LGR6: variants seen among roughly 807,000 people sequenced by gnomAD.
LGR6 encodes leucine rich repeat containing G protein-coupled receptor 6.
A neutral mutation model predicts 69.4 loss-of-function variants in LGR6; 45 were observed. The observed-to-expected ratio is 0.65, with a 90% CI of 0.51 to 0.83. LGR6 has a LOEUF of 0.83. Ranked by LOEUF, LGR6 falls within the 40% of genes least tolerant of loss-of-function variation. LGR6 has a pLI of 0.00. For missense variants in LGR6, 1,108 were observed against 1,246.7 expected (o/e 0.89, Z 1.68); for synonymous variants, 538 against 555.0 (o/e 0.97, Z 0.43).
rs1558032385 is a variant in LGR6, at chr1:202,245,868, G to A, written c.428+9875G>A. Reference sequence around the variant, plus strand: ...GCCTGAGTTCTGGGTCTGTCAGGAGGGAAGAGGAGACCGAACTATTGGTGT... The same window carrying A: ...GCCTGAGTTCTGGGTCTGTCAGGAGAGAAGAGGAGACCGAACTATTGGTGT... On this transcript the variant is annotated intron_variant, in intron 4 of 17. Coordinates refer to ENST00000367278, the MANE Select transcript of LGR6 (RefSeq NM_001017403.2). Among the ~76,000 whole-genome samples, 12 of 152,182 alleles carry A rather than the reference G, an allele frequency of 7.9e-5. No homozygotes were observed. The South Asian group carries it at 2.3e-3, about 29-fold the overall frequency.
At chr1:202,250,862 A>C (rs574589343) in intron 4 of LGR6, among the ~76,000 whole-genome samples, 6 of 152,322 alleles carry the variant, frequency 3.9e-5, no homozygotes, top group African/African-American at 1.4e-4. Context: ...ACAATCTGTA[A>C]GATCTGGAGC....
chr1:202,208,931 G>A (rs1257306964), intron 1 of LGR6, among the ~76,000 whole-genome samples: 23 of 152,126 alleles, frequency 1.5e-4, no homozygotes, highest in Admixed American at 1.4e-3. Context: ...GTAGTAAGAG[G>A]GGAAGGCTTG....
chr1:202,253,795 A>ATT (rs71141469), intron 4 of LGR6, among the ~76,000 whole-genome samples: 18 of 47,988 alleles, frequency 3.8e-4, no homozygotes, highest in Admixed American at 3.7e-4. Flanking sequence ...CGCCTGGCTA[A>ATT]TTTTTTTTTT....
intron 1 of LGR6, among the ~76,000 whole-genome samples, chr1:202,198,392 G>C (rs1658715746): frequency 6.6e-6 from 1 of 152,254 alleles, no homozygotes; most frequent in Non-Finnish European, 1.5e-5. Flanking sequence ...GATTCACTTA[G>C]ATGATGTTTG....
At chr1:202,303,427 G>A in intron 10 of LGR6, 80 bp downstream of exon 10, 1 of 1,116,452 alleles carries the variant, frequency 9.0e-7, no homozygotes, top group South Asian at 1.2e-5. Flanking sequence ...GCCCCTGGAA[G>A]GCTGTCTAGG....
intron 4 of LGR6, among the ~76,000 whole-genome samples, chr1:202,270,850 A>G (rs1232737548): frequency 6.6e-6 from 1 of 152,002 alleles, no homozygotes; most frequent in Non-Finnish European, 1.5e-5. Context: ...TTCACACCAC[A>G]TGCCCCTTGG....
intron 8 of LGR6, 98 bp downstream of exon 8, chr1:202,301,018 G>C (rs1453479883): frequency 7.6e-7 from 1 of 1,322,424 alleles, no homozygotes; most frequent in African/African-American, 1.4e-5. Flanking sequence ...GGAAGCACCA[G>C]GGAGGCAGAA....
chr1:202,205,267 A>AAG (rs1659115431), intron 1 of LGR6, among the ~76,000 whole-genome samples: 1 of 3,978 alleles, frequency 2.5e-4, no homozygotes, highest in Admixed American at 3.3e-3. Flanking sequence ...CACACCTCCA[A>AAG]ACACACACAC....
At position 202,318,362 on chromosome 1, in the gene LGR6, C is replaced by A; in HGVS notation, c.2059C>A (p.Arg687=). The stretch of plus-strand genomic sequence containing the variant: ...GAAGTCCCCCTCCCTGGGCAGCGTT[C>A]GAGCAGGGGTCCTAGGCTGCCTGGC... ...YGKSPSLGSV[R]AGVLGCLALA... The change falls in exon 18 of 18, where the codon CGA becomes AGA. Residue 687 remains arginine, a synonymous_variant. Transcript: ENST00000367278. 1 of 1,600,440 alleles carries A rather than the reference C, an allele frequency of 6.2e-7. No homozygotes were observed. The highest frequency in any genetic ancestry group is 8.5e-7 in the Non-Finnish European group (1 of 1,173,176).
intron 1 of LGR6, among the ~76,000 whole-genome samples, chr1:202,209,313 G>T (rs1013087835): frequency 2.0e-5 from 3 of 152,198 alleles, no homozygotes; most frequent in Non-Finnish European, 4.4e-5. Context: ...CAGGGATCCT[G>T]GAGGGGCTGC....
At position 202,240,131 on chromosome 1, in the gene LGR6, G is replaced by C. The variant is rs188932133; in HGVS notation, c.428+4138G>C. 4.1e-4 allele frequency among the ~76,000 whole-genome samples: 62 copies of C among 152,254 alleles called. 1 individual carries two copies. The East Asian group carries it at 0.012, about 29-fold the overall frequency. ...CTCACGCCTGTAATCCCAGCCCTTT[G>C]GGAGGCTGAGGCAGGTGGATCACCT... On this transcript the variant is annotated intron_variant, in intron 4 of 17. Coordinates refer to ENST00000367278, the MANE Select transcript of LGR6 (RefSeq NM_001017403.2).
At chr1:202,214,076 G>C (rs1659586551) in intron 1 of LGR6, 1 of 1,370,976 alleles carries the variant, frequency 7.3e-7, no homozygotes, top group Non-Finnish European at 9.4e-7. Context: ...CGAGAGAAGC[G>C]GCAGAACGAG....
At chr1:202,201,971 C>T (rs777904364) in intron 1 of LGR6, among the ~76,000 whole-genome samples, 2 of 152,108 alleles carry the variant, frequency 1.3e-5, no homozygotes, top group South Asian at 2.1e-4. Flanking sequence ...GCCAGGTGCA[C>T]GTGAGAAGTG....
chr1:202,271,446 G>A (rs928522958), intron 4 of LGR6, among the ~76,000 whole-genome samples: 8 of 152,124 alleles, frequency 5.3e-5, no homozygotes, highest in South Asian at 2.1e-4. Context: ...CTATAGCCAG[G>A]TGTCGACCCT....
intron 4 of LGR6, among the ~76,000 whole-genome samples, chr1:202,274,066 G>T (rs116153772): frequency 6.6e-6 from 1 of 152,086 alleles, no homozygotes; most frequent in Admixed American, 6.5e-5. Context: ...ATCTGCAGAC[G>T]GGGGAAAGCG....
chr1:202,193,893 A>G lies in LGR6; in HGVS notation c.-97A>G. The G allele has an allele frequency of 2.7e-6, 2 of 752,128 alleles. No homozygotes were observed. Among genetic ancestry groups the G allele is most frequent in the Non-Finnish European group, 3.6e-6 (2 of 558,658 alleles). 46.6% of individuals were successfully genotyped at this position (752,128 alleles called of 1,614,324 possible). On this transcript the variant is annotated 5_prime_UTR_variant, in exon 1 of 18. Transcript: ENST00000367278. ...AGAGCCCCTGGGGCGGTCCCCACCG[A>G]CGGTGCAGCCCGCCGGGACCGGGAG... is the stretch of plus-strand genomic sequence containing the variant.
chr1:202,287,220 T>TA (rs1300109645), intron 6 of LGR6, among the ~76,000 whole-genome samples: 2 of 152,230 alleles, frequency 1.3e-5, no homozygotes, highest in Non-Finnish European at 2.9e-5. Context: ...ATTAAGTTTT[T>TA]AGTATATGCC....
intron 1 of LGR6, among the ~76,000 whole-genome samples, chr1:202,225,187 G>T (rs1660425639): frequency 6.6e-6 from 1 of 152,250 alleles, no homozygotes; most frequent in South Asian, 2.1e-4. Context: ...AGAGGGGAAA[G>T]TGGGAGACCA....
intron 4 of LGR6, among the ~76,000 whole-genome samples, chr1:202,238,855 G>A (rs2148010619): frequency 6.6e-6 from 1 of 152,246 alleles, no homozygotes; most frequent in Non-Finnish European, 1.5e-5. Flanking sequence ...CGCTGCAAAG[G>A]CACAAAGTTA....
Sources: allele counts gnomAD v4.1 joint callset (sites outside exome capture counted in the v4.1 genomes callset), GRCh38; gene constraint gnomAD v4.1.1; transcripts MANE v1.5; gene names NCBI Gene and HGNC (gene_info 2026-07-23, HGNC 2026-07-21).